SCTR: variants seen among roughly 807,000 people sequenced by gnomAD.
The protein encoded by SCTR is secretin receptor, also known as pancreatic secretin receptor.
Under a neutral mutation model 60.8 loss-of-function variants are expected in SCTR, and 56 were observed. That is an observed-to-expected ratio of 0.92 (90% CI 0.74 to 1.15). The LOEUF is 1.15. SCTR is among the 50% of genes most tolerant of loss of function. The pLI is 0.00. For synonymous variants in SCTR, 202 were observed against 217.0 expected (o/e 0.93, Z 0.61); for missense variants, 562 against 550.4 (o/e 1.02, Z -0.21).
At chr2:119,508,814 T>G (rs900512975) in intron 1 of SCTR, among the ~76,000 whole-genome samples, 4 of 152,242 alleles carry the variant, frequency 2.6e-5, no homozygotes, top group African/African-American at 7.2e-5. Context: ...TATTTCACTT[T>G]TGTGTGTGCG....
intron 2 of SCTR, among the ~76,000 whole-genome samples, chr2:119,490,728 G>A (rs545260052): frequency 1.3e-5 from 2 of 152,304 alleles, no homozygotes; most frequent in Admixed American, 6.5e-5. Context: ...TCCAGCCCTT[G>A]CAGTGGAACC....
At chr2:119,474,742 A>G (rs1296755739) in intron 3 of SCTR, among the ~76,000 whole-genome samples, 6 of 152,216 alleles carry the variant, frequency 3.9e-5, no homozygotes, top group African/African-American at 1.4e-4. Flanking sequence ...CAGAACACCA[A>G]GGCCCAGAAT....
intron 2 of SCTR, among the ~76,000 whole-genome samples, chr2:119,481,980 A>T (rs1183415798): frequency 6.6e-6 from 1 of 152,168 alleles, no homozygotes. Context: ...CGGTGCCCCC[A>T]GTTCCCGATG....
At chr2:119,494,607 G>T in intron 1 of SCTR, 59 bp from the exon 2 acceptor site, 1 of 1,580,606 alleles carries the variant, frequency 6.3e-7, no homozygotes, top group Admixed American at 1.7e-5. Flanking sequence ...TGCCACATGG[G>T]GGAGAATGGG....
chr2:119,494,887 T>A (rs148006420), intron 1 of SCTR, among the ~76,000 whole-genome samples: 2 of 152,362 alleles, frequency 1.3e-5, no homozygotes, highest in East Asian at 3.9e-4. Flanking sequence ...TCCAACTGTG[T>A]GAGTGTTTTC....
intron 1 of SCTR, among the ~76,000 whole-genome samples, chr2:119,495,701 G>A (rs761009227): frequency 2.0e-5 from 3 of 152,166 alleles, no homozygotes; most frequent in Non-Finnish European, 2.9e-5. Context: ...CCCTTCACTA[G>A]TGCTATCGGA....
chr2:119,462,247 G>A (rs939583416), intron 6 of SCTR, among the ~76,000 whole-genome samples: 6 of 152,282 alleles, frequency 3.9e-5, no homozygotes, highest in African/African-American at 1.2e-4. Context: ...ATAGGAGCAG[G>A]AACTAGGTTC....
At position 119,472,111 on chromosome 2, in the gene SCTR, T is replaced by C. The variant is rs140643906; in HGVS notation, c.405+1342A>G. Among the ~76,000 whole-genome samples the C allele has an allele frequency of 2.9e-3, 435 of 152,302 alleles. 3 individuals are homozygous for C. The highest frequency in any genetic ancestry group is 3.4e-3 in the Non-Finnish European group (232 of 68,034). ...CCCAACCCTGGCCCACAGCAGGTGC[T>C]CAGTGAGTGTTTGTGGAGTGAATGA... On this transcript the variant is annotated intron_variant, in intron 4 of 12. Transcript: ENST00000019103.
chr2:119,444,531 GAA>G (rs1177391893), intron 11 of SCTR, among the ~76,000 whole-genome samples: 1 of 32,314 alleles, frequency 3.1e-5, no homozygotes, highest in Non-Finnish European at 5.3e-5. Flanking sequence ...ATATACGTAC[GAA>G]TATATATACA....
In SCTR at chr2:119,449,173, A is replaced by G. The variant is rs183766333; in HGVS notation, c.922-393T>C. Among the ~76,000 whole-genome samples the G allele has an allele frequency of 4.4e-3, 674 of 152,366 alleles. 3 individuals carry two copies. The highest frequency in any genetic ancestry group is 0.01 in the Middle Eastern group (3 of 294). On this transcript the variant is annotated intron_variant, in intron 9 of 12. Coordinates refer to ENST00000019103, the MANE Select transcript of SCTR (RefSeq NM_002980.3). ...TGCCAAAGCTGAAAGCCTTTACAGC[A>G]GTGGTTCTCAAAGTTTAGGGTACCC...
chr2:119,503,824 C>A (rs1178368465), intron 1 of SCTR, among the ~76,000 whole-genome samples: 1 of 152,064 alleles, frequency 6.6e-6, no homozygotes. Flanking sequence ...AACATAAGCT[C>A]AGCAATTGTA....
At chr2:119,508,383 C>CTTTTTTTTTTTTTTTTTT (rs34070844) in intron 1 of SCTR, among the ~76,000 whole-genome samples, 4 of 77,378 alleles carry the variant, frequency 5.2e-5, no homozygotes, top group Admixed American at 1.8e-4. Flanking sequence ...TCTTCTTCTT[C>CTTTTTTTTTTTTTTTTTT]TTTTTTTTTT....
At chr2:119,445,259 T>C (rs1023509559) in intron 11 of SCTR, among the ~76,000 whole-genome samples, 1 of 152,114 alleles carries the variant, frequency 6.6e-6, no homozygotes, top group African/African-American at 2.4e-5. Context: ...ATCCTCTACC[T>C]GCTAGATGGG....
Position 119,501,849 on chromosome 2 carries a change from A to C in SCTR, c.73-7301T>G, listed in dbSNP as rs548561977. Among the ~76,000 whole-genome samples, 3 of 152,158 alleles carry C rather than the reference A, an allele frequency of 2.0e-5. No individual in the cohort carries two copies. In the South Asian group the frequency reaches 6.2e-4, roughly 32 times the overall value. ...ATAGAAAATCCCAAGGAATCTACCA[A>C]AAAAAAATCCTAGAACTAAAAAGTA... is the stretch of plus-strand genomic sequence containing the variant. On this transcript the variant is annotated intron_variant, in intron 1 of 12. Coordinates refer to ENST00000019103, the MANE Select transcript of SCTR (RefSeq NM_002980.3).
intron 1 of SCTR, among the ~76,000 whole-genome samples, chr2:119,514,925 T>C (rs1482686729): frequency 6.6e-6 from 1 of 152,086 alleles, no homozygotes; most frequent in Non-Finnish European, 1.5e-5. Context: ...ACATCATCTC[T>C]CTTCTCACAC....
chr2:119,491,903 T>TCTTA (rs1334651204), intron 2 of SCTR, among the ~76,000 whole-genome samples: 2 of 152,200 alleles, frequency 1.3e-5, no homozygotes, highest in African/African-American at 4.8e-5. Context: ...TTCTCTTCTT[T>TCTTA]CTTACTAGGA....
At chr2:119,440,391 C>T (rs995368664) in intron 12 of SCTR, 134 bp from the exon 13 acceptor site, 15 of 972,754 alleles carry the variant, frequency 1.5e-5, no homozygotes, top group African/African-American at 4.9e-5. Context: ...CTGCAGGCCA[C>T]GCAGATTGAC....
chr2:119,446,876 G>A lies in SCTR; in HGVS notation c.1023C>T (p.Ala341=), dbSNP rs1415120691. 6.5e-7 allele frequency: 1 copy of A among 1,537,162 alleles called. No homozygotes were observed. Among genetic ancestry groups the A allele is most frequent in the Non-Finnish European group, 8.8e-7 (1 of 1,140,282 alleles). Residue 341 remains alanine, a synonymous_variant, in exon 11 of 13, where the codon GCC becomes GCT. Transcript: ENST00000019103. The part of the protein sequence containing the change: ...GNEVSHYKRL[A]RSTLLLIPLF... ...GGGGGATCAGCAGGAGAGTGGACCT[G>A]GCCAGGCGCCTGGGGACACAGAAAG...
intron 1 of SCTR, among the ~76,000 whole-genome samples, chr2:119,505,028 C>G (rs998668939): frequency 6.6e-6 from 1 of 152,050 alleles, no homozygotes; most frequent in Admixed American, 6.6e-5. Flanking sequence ...AGTCAGGAAA[C>G]AACAGGTGCT....
Sources: gnomAD v4.1 joint callset for allele counts (sites outside exome capture counted in the v4.1 genomes callset) on GRCh38, gnomAD v4.1.1 for gene constraint, MANE v1.5 for transcripts, NCBI Gene and HGNC (gene_info 2026-07-23, HGNC 2026-07-21) for gene names.